Variants in SHISA6 observed in about 807,000 individuals in gnomAD.
SHISA6 encodes protein shisa-6.
A neutral mutation model predicts 47.9 loss-of-function variants in SHISA6; 22 were observed. The ratio of observed to expected loss-of-function variants is 0.46; its 90% CI spans 0.33 to 0.66. SHISA6 has a LOEUF of 0.66. Ranked by LOEUF, SHISA6 falls within the 30% of genes least tolerant of loss-of-function variation. SHISA6 has a pLI of 0.02. For synonymous variants in SHISA6, 388 were observed against 337.8 expected (o/e 1.15, Z -1.63); for missense variants, 680 against 764.6 (o/e 0.89, Z 1.30).
intron 3 of SHISA6, among the ~76,000 whole-genome samples, chr17:11,461,772 C>G (rs1915698290): frequency 6.6e-6 from 1 of 152,016 alleles, no homozygotes; most frequent in Non-Finnish European, 1.5e-5. Flanking sequence ...TTTGAGAGCC[C>G]AGTAGAGGAG....
chr17:11,558,003 T>C lies in SHISA6; in HGVS notation c.1355T>C (p.Leu452Pro). 1.9e-6 allele frequency: 3 copies of C among 1,551,524 alleles called. No homozygotes were observed. Among genetic ancestry groups the C allele is most frequent in the Non-Finnish European group, 2.6e-6 (3 of 1,146,954 alleles). Residue 452 changes from leucine (L) to proline (P), a missense_variant, in exon 6 of 6, where the codon CTG (leucine) becomes CCG (proline). Leu to Pro is a moderately conservative substitution (Grantham distance 98). This residue lies in a region of SHISA6 where 559 missense variants were observed against 674.1 expected (regional missense o/e 0.83). Coordinates refer to ENST00000441885, the MANE Select transcript of SHISA6 (RefSeq NM_207386.4). ...GAGCAGCTGCTCTCCACGGAGCGCC[T>C]GCACTCCCAGGACCCGCTGCTGTCC... ...SDEQLLSTER[L>P]HSQDPLLSPE...
At chr17:11,485,139 C>G (rs1422690624) in intron 3 of SHISA6, among the ~76,000 whole-genome samples, 2 of 152,140 alleles carry the variant, frequency 1.3e-5, no homozygotes, top group South Asian at 2.1e-4. Flanking sequence ...ATCTCCTACT[C>G]TCTTCATTTT....
chr17:11,244,590 G>C (rs968053192), intron 1 of SHISA6, among the ~76,000 whole-genome samples: 1 of 152,092 alleles, frequency 6.6e-6, no homozygotes, highest in Non-Finnish European at 1.5e-5. Context: ...GAGTATTTTT[G>C]TGTAGACTGT....
chr17:11,423,847 A>AC (rs1481640066), intron 3 of SHISA6, among the ~76,000 whole-genome samples: 1 of 151,968 alleles, frequency 6.6e-6, no homozygotes, highest in Non-Finnish European at 1.5e-5. Flanking sequence ...TCCTATTAAA[A>AC]AAAACAGGTA....
intron 2 of SHISA6, among the ~76,000 whole-genome samples, chr17:11,268,521 C>T (rs1450606654): frequency 6.6e-6 from 1 of 152,150 alleles, no homozygotes; most frequent in African/African-American, 2.4e-5. Context: ...TTCTGTAGCC[C>T]CAAATTTTCT....
chr17:11,403,603 G>A (rs1032952134), intron 3 of SHISA6, among the ~76,000 whole-genome samples: 37 of 152,198 alleles, frequency 2.4e-4, no homozygotes, highest in African/African-American at 7.7e-4. Context: ...CACTGGGTGG[G>A]TGTCAGCATG....
intron 2 of SHISA6, among the ~76,000 whole-genome samples, chr17:11,317,201 C>T (rs1230234772): frequency 6.6e-6 from 1 of 151,842 alleles, no homozygotes; most frequent in African/African-American, 2.4e-5. Context: ...ATTATTATGT[C>T]TTTTGTCATA....
At chr17:11,515,386 A>T (rs2071577662) in intron 3 of SHISA6, among the ~76,000 whole-genome samples, 1 of 150,674 alleles carries the variant, frequency 6.6e-6, no homozygotes, top group Non-Finnish European at 1.5e-5. Context: ...GCTCCAAATA[A>T]CCACTAAGAC....
chr17:11,319,101 T>C (rs900007513), intron 2 of SHISA6, among the ~76,000 whole-genome samples: 3 of 147,782 alleles, frequency 2.0e-5, no homozygotes, highest in Non-Finnish European at 4.5e-5. Context: ...TTCCTTGAGA[T>C]GGAGTCTCGC....
intron 3 of SHISA6, among the ~76,000 whole-genome samples, chr17:11,499,860 C>T (rs2071437611): frequency 6.6e-6 from 1 of 151,946 alleles, no homozygotes; most frequent in Non-Finnish European, 1.5e-5. Context: ...TGCCACCACA[C>T]CCAGCTAATT....
chr17:11,432,212 C>T (rs1355608378), intron 3 of SHISA6, among the ~76,000 whole-genome samples: 1 of 152,216 alleles, frequency 6.6e-6, no homozygotes, highest in Non-Finnish European at 1.5e-5. Flanking sequence ...AAATGGATTT[C>T]TGTGACTTCA....
chr17:11,413,252 A>G (rs1371344879), intron 3 of SHISA6, among the ~76,000 whole-genome samples: 1 of 152,198 alleles, frequency 6.6e-6, no homozygotes, highest in Non-Finnish European at 1.5e-5. Context: ...ATGATACGTC[A>G]TTTCGTGTCA....
At chr17:11,478,815 T>C (rs1186670630) in intron 3 of SHISA6, among the ~76,000 whole-genome samples, 3 of 136,514 alleles carry the variant, frequency 2.2e-5, no homozygotes, top group African/African-American at 5.6e-5. Context: ...GCTGTTTTGG[T>C]TACTGTAGCC....
At chr17:11,449,533 C>G (rs1461744806) in intron 3 of SHISA6, among the ~76,000 whole-genome samples, 1 of 152,000 alleles carries the variant, frequency 6.6e-6, no homozygotes, top group South Asian at 2.1e-4. Flanking sequence ...ATGAATGATG[C>G]GTCTCTTGAA....
intron 2 of SHISA6, among the ~76,000 whole-genome samples, chr17:11,353,286 G>A (rs1911953829): frequency 2.0e-5 from 3 of 152,116 alleles, no homozygotes; most frequent in South Asian, 2.1e-4. Flanking sequence ...GTGAAACCCC[G>A]TCTCTACTAA....
At chr17:11,338,272 T>G (rs143784534) in intron 2 of SHISA6, among the ~76,000 whole-genome samples, 148 of 152,332 alleles carry the variant, frequency 9.7e-4, no homozygotes, top group African/African-American at 2.9e-3. Flanking sequence ...TACATAACAA[T>G]TTGAGCTTCT....
chr17:11,271,583 G>A (rs534644124), intron 2 of SHISA6, among the ~76,000 whole-genome samples: 4 of 147,222 alleles, frequency 2.7e-5, no homozygotes, highest in South Asian at 4.3e-4. Context: ...AATTACAGGT[G>A]CACACCACCA....
At chr17:11,316,602 A>G (rs959728588) in intron 2 of SHISA6, among the ~76,000 whole-genome samples, 4 of 151,442 alleles carry the variant, frequency 2.6e-5, no homozygotes, top group Admixed American at 6.6e-5. Context: ...TTGTATTTTT[A>G]CTAGAGATGG....
intron 3 of SHISA6, among the ~76,000 whole-genome samples, chr17:11,400,175 C>T (rs1425492486): frequency 6.6e-6 from 1 of 152,148 alleles, no homozygotes; most frequent in East Asian, 1.9e-4. Context: ...TCTTGGGCAT[C>T]TCTCTCAGCC....
Sources: allele counts gnomAD v4.1 joint callset (sites outside exome capture counted in the v4.1 genomes callset), GRCh38; gene constraint gnomAD v4.1.1; regional missense constraint gnomAD v4.1.1; transcripts MANE v1.5; gene names NCBI Gene and HGNC (gene_info 2026-07-23, HGNC 2026-07-21).